The following FYB1 variants were observed in gnomAD, a reference collection of about 807,000 sequenced individuals.
FYB1 encodes FYN binding protein 1.
FYB1 carries 41 observed loss-of-function variants against 94.1 expected under a neutral mutation model. The observed-to-expected ratio is 0.44, with a 90% CI of 0.34 to 0.57. The LOEUF (loss-of-function observed/expected upper bound fraction) is 0.57. FYB1 is among the 20% of genes least tolerant of loss of function. FYB1 has a pLI of 0.02. For missense variants in FYB1, 1,050 were observed against 976.8 expected, an observed-to-expected ratio of 1.07 and a Z score of -1.00; for synonymous variants, 367 against 353.2, an observed-to-expected ratio of 1.04 and a Z score of -0.44.
chr5:39,209,613 G>A (rs981486494), intron 1 of FYB1, among the ~76,000 whole-genome samples: 2 of 152,182 alleles, frequency 1.3e-5, no homozygotes, highest in Non-Finnish European at 2.9e-5. Context: ...ACAGGCGTGA[G>A]CCACCGCACC....
chr5:39,127,901 C>A, intron 10 of FYB1, 94 bp from the exon 11 acceptor site: 1 of 1,131,790 alleles, frequency 8.8e-7, no homozygotes, highest in Non-Finnish European at 1.2e-6. Context: ...CCTTATTTAA[C>A]TGCAGAGAGC....
At position 39,107,242 on chromosome 5, in the gene FYB1, T is replaced by A. The variant is rs1478973970; in HGVS notation, c.*201A>T. 11 of 377,298 alleles carry A rather than the reference T, an allele frequency of 2.9e-5. No homozygotes were observed. The allele number at this position is 377,298 out of a possible 1,614,324, so 23.4% of individuals were successfully genotyped here. Reference sequence around the variant, plus strand: ...TAATTCTTACATCTCACTAATGTAGTCTTCTGAGTTAACAATTAAGCAGAG... The same window carrying A: ...TAATTCTTACATCTCACTAATGTAGACTTCTGAGTTAACAATTAAGCAGAG... On this transcript the variant is annotated 3_prime_UTR_variant, in exon 19 of 19. Transcript: ENST00000512982.
chr5:39,133,971 A>G (rs868364449), intron 9 of FYB1, among the ~76,000 whole-genome samples: 35 of 152,220 alleles, frequency 2.3e-4, no homozygotes, highest in Admixed American at 9.8e-4. Flanking sequence ...AACACATTTT[A>G]CAAGATCTGG....
chr5:39,125,929 T>G, intron 12 of FYB1, 69 bp downstream of exon 12: 1 of 1,450,470 alleles, frequency 6.9e-7, no homozygotes, highest in Non-Finnish European at 9.4e-7. Flanking sequence ...TTATAGAATA[T>G]TAGTAGCATT....
At chr5:39,147,825 C>T (rs1053948392) in intron 3 of FYB1, among the ~76,000 whole-genome samples, 1 of 151,076 alleles carries the variant, frequency 6.6e-6, no homozygotes, top group Admixed American at 6.6e-5. Context: ...GGACTGCAGG[C>T]GCCCGCCACC....
intron 1 of FYB1, among the ~76,000 whole-genome samples, chr5:39,230,187 A>C (rs934851841): frequency 6.6e-6 from 1 of 152,206 alleles, no homozygotes; most frequent in African/African-American, 2.4e-5. Flanking sequence ...TAAAATGAGA[A>C]GATTACTCTG....
At chr5:39,244,328 T>C (rs894802994) in intron 1 of FYB1, among the ~76,000 whole-genome samples, 2 of 152,200 alleles carry the variant, frequency 1.3e-5, no homozygotes, top group Admixed American at 6.5e-5. Flanking sequence ...CAATACCTTA[T>C]TTATAGAGAG....
chr5:39,118,892 T>C lies in FYB1; in HGVS notation c.2383A>G (p.Arg795Gly). 6.5e-7 allele frequency: 1 copy of C among 1,529,912 alleles called. No homozygotes were observed. The highest frequency in any genetic ancestry group is 1.3e-5 in the South Asian group (1 of 78,228). The allele number at this position is 1,529,912 out of a possible 1,614,324, so 94.8% of individuals were successfully genotyped here. ...QTTDDTKVLC[R>G]NEEGKYGYVL... ...GACTTACATTTCCCTTCTTCATTTC[T>C]GCAGAGAACTTTTGTGTCATCTGTG... The change falls in exon 16 of 19, where the codon AGA (arginine) becomes GGA (glycine). Residue 795 changes from arginine (R) to glycine (G), a missense_variant. Arg to Gly is a moderately radical substitution (Grantham distance 125). Transcript: ENST00000512982.
rs1006237537 is a variant in FYB1, at chr5:39,130,658, A to G, written c.1818-46T>C. On this transcript the variant is annotated intron_variant, in intron 9 of 18. Coordinates refer to ENST00000512982, the MANE Select transcript of FYB1 (RefSeq NM_001465.6). ...TATTAAGTTAATCTATGAATTACTT[A>G]GCTATGAGGAAGAGAAGTACATATC... The G allele has an allele frequency of 2.1e-6, 3 of 1,422,482 alleles. No individual in the cohort carries two copies. In the Admixed American group the frequency reaches 5.8e-5, roughly 28 times the overall value. The allele number at this position is 1,422,482 out of a possible 1,614,324, so 88.1% of individuals were successfully genotyped here.
chr5:39,127,930 C>T, intron 10 of FYB1, 123 bp from the exon 11 acceptor site: 1 of 866,828 alleles, frequency 1.2e-6, no homozygotes, highest in South Asian at 2.4e-5. Context: ...TTCATGTAAA[C>T]CATTTAAATA....
At chr5:39,177,886 G>A (rs1183975980) in intron 2 of FYB1, among the ~76,000 whole-genome samples, 1 of 152,180 alleles carries the variant, frequency 6.6e-6, no homozygotes, top group African/African-American at 2.4e-5. Context: ...TTGCAAAGCT[G>A]TTCTCACTCC....
At position 39,130,608 on chromosome 5, in the gene FYB1, T is replaced by C; in HGVS notation, c.1822A>G (p.Ser608Gly). The C allele has an allele frequency of 6.4e-7, 1 of 1,574,074 alleles. No individual in the cohort carries two copies. The highest frequency in any genetic ancestry group is 1.2e-5 in the South Asian group (1 of 85,792). Residue 608 changes from serine (S) to glycine (G), a missense_variant, in exon 10 of 19, where the codon AGT becomes GGT. Physicochemically the swap from Ser to Gly is moderately conservative, Grantham distance 56. Transcript: ENST00000512982. ...GGCTTACCTCCACTTCCACTCTGAC[T>C]GTGGCTAGAAAAGAAACCCAGAAAT... ...VAEQDDISSH[S>G]QSGSGGIFPP...
intron 2 of FYB1, among the ~76,000 whole-genome samples, chr5:39,188,688 C>T (rs747133024): frequency 3.9e-5 from 6 of 151,922 alleles, no homozygotes; most frequent in Admixed American, 6.6e-5. Context: ...CCTGCCACCA[C>T]GCCCGGCTAA....
upstream of FYB1, among the ~76,000 whole-genome samples, chr5:39,224,138 C>T (rs919650653): frequency 1.3e-5 from 2 of 152,146 alleles, no homozygotes; most frequent in Non-Finnish European, 2.9e-5. Context: ...GAGTAAATAA[C>T]ACGAAACCGA....
chr5:39,169,388 T>C, intron 2 of FYB1: 1 of 757,754 alleles, frequency 1.3e-6, no homozygotes, highest in South Asian at 1.3e-5. Flanking sequence ...TGTGAATTTT[T>C]CCGTACATTC....
chr5:39,177,572 G>A (rs1160751151), intron 2 of FYB1, among the ~76,000 whole-genome samples: 1 of 152,130 alleles, frequency 6.6e-6, no homozygotes, highest in Non-Finnish European at 1.5e-5. Context: ...AACGTATTGT[G>A]CTCAAACTAC....
At chr5:39,234,588 T>C (rs992271549) in intron 1 of FYB1, among the ~76,000 whole-genome samples, 4 of 152,136 alleles carry the variant, frequency 2.6e-5, no homozygotes, top group Non-Finnish European at 5.9e-5. Flanking sequence ...AAGACACATG[T>C]ACACATATGT....
Position 39,240,261 on chromosome 5 carries a change from T to G in FYB1, c.-28+34142A>C, listed in dbSNP as rs1582394. Among the ~76,000 whole-genome samples the G allele has an allele frequency of 6.9e-3, 1,052 of 152,270 alleles. 9 individuals carry two copies. Among genetic ancestry groups the G allele is most frequent in the African/African-American group, 0.023 (937 of 41,552 alleles). On this transcript the variant is annotated intron_variant, in intron 1 of 1. Transcript: ENST00000510188. ...GAAATACAATTCTGGGCATAGGCCC[T>G]GGCAAAGATTTCATGACAAAGATGC...
chr5:39,125,152 T>A (rs1177657074), intron 12 of FYB1, among the ~76,000 whole-genome samples: 1 of 152,168 alleles, frequency 6.6e-6, no homozygotes, highest in Non-Finnish European at 1.5e-5. Flanking sequence ...AGGTTTCTTG[T>A]GTTTTCCTAG....
Sources: gnomAD v4.1 joint callset for allele counts (sites outside exome capture counted in the v4.1 genomes callset) on GRCh38, gnomAD v4.1.1 for gene constraint, MANE v1.5 for transcripts, NCBI Gene and HGNC (gene_info 2026-07-23, HGNC 2026-07-21) for gene names.